Variants in UNC13C observed in about 807,000 individuals in gnomAD.
UNC13C encodes protein unc-13 homolog C.
UNC13C carries 174 observed loss-of-function variants against 245.4 expected under a neutral mutation model. That is an observed-to-expected ratio of 0.71 (90% CI 0.63 to 0.80). UNC13C has a LOEUF of 0.80. UNC13C is among the 30% of genes least tolerant of loss of function. UNC13C has a pLI of 0.00. For missense variants in UNC13C, 2,829 were observed against 2,602.9 expected (o/e 1.09, Z -1.89); for synonymous variants, 992 against 895.1 (o/e 1.11, Z -1.93).
the UNC13C span, among the ~76,000 whole-genome samples, chr15:53,971,030 G>T: frequency 2.0e-5 from 3 of 152,024 alleles, no homozygotes; most frequent in African/African-American, 7.2e-5. Context: ...TTTTCTCTTT[G>T]TGTGTGTTTT....
chr15:53,945,952 AGATCT>A, the UNC13C span, among the ~76,000 whole-genome samples: 1 of 152,018 alleles, frequency 6.6e-6, no homozygotes, highest in Non-Finnish European at 1.5e-5. Flanking sequence ...CTCATTGTAG[AGATCT>A]TTCACCTCCC....
the UNC13C span, among the ~76,000 whole-genome samples, chr15:53,945,545 G>C: frequency 1.3e-5 from 2 of 152,142 alleles, no homozygotes; most frequent in African/African-American, 2.4e-5. Context: ...TAAAAAATCA[G>C]ATTGTTGTAG....
the UNC13C span, among the ~76,000 whole-genome samples, chr15:53,939,814 A>T: frequency 3.9e-4 from 16 of 41,296 alleles, no homozygotes; most frequent in Non-Finnish European, 1.0e-3. Flanking sequence ...AGAAAGGACG[A>T]GAGAGAGAGA....
At chr15:54,138,953 A>ATTTTTTTTTTTATTTTTTTT (rs2031873211) in intron 2 of UNC13C, among the ~76,000 whole-genome samples, 1 of 48,632 alleles carries the variant, frequency 2.1e-5, no homozygotes, top group East Asian at 7.8e-4. Flanking sequence ...ATTTCCCCTA[A>ATTTTTTTTTTTATTTTTTTT]TTTTTTTTTT....
chr15:54,351,718 C>T (rs989411072), intron 17 of UNC13C, among the ~76,000 whole-genome samples: 5 of 152,084 alleles, frequency 3.3e-5, no homozygotes, highest in South Asian at 2.1e-4. Context: ...TCCAACCTAA[C>T]GCTTCACATA....
chr15:54,032,886 G>C (rs1165063083), intron 2 of UNC13C, among the ~76,000 whole-genome samples: 3 of 152,136 alleles, frequency 2.0e-5, no homozygotes, highest in Non-Finnish European at 4.4e-5. Flanking sequence ...ACTCAGGAAT[G>C]GAAAACCAAA....
In UNC13C at chr15:54,014,177, A is replaced by G. The variant is rs1322051833; in HGVS notation, c.1274A>G (p.Gln425Arg). The G allele has an allele frequency of 6.2e-7, 1 of 1,613,946 alleles. No individual in the cohort carries two copies. The highest frequency in any genetic ancestry group is 1.7e-5 in the Admixed American group (1 of 59,998). ...ERKEKGIPSS[Q>R]TYESMAIKLS... The stretch of plus-strand genomic sequence containing the variant: ...AAAGAGAAAGGGATACCATCCTCCC[A>G]GACATATGAGAGCATGGCTATAAAG... Residue 425 changes from glutamine to arginine, a missense_variant, in exon 2 of 33, where the codon CAG becomes CGG. Physicochemically the swap from Gln to Arg is conservative, Grantham distance 43. Coordinates refer to ENST00000260323, the MANE Select transcript of UNC13C (RefSeq NM_001080534.3).
intron 25 of UNC13C, among the ~76,000 whole-genome samples, chr15:54,528,006 A>AGGT (rs1396092709): frequency 2.0e-5 from 3 of 151,994 alleles, no homozygotes; most frequent in Non-Finnish European, 4.4e-5. Context: ...TTAAGGTCTA[A>AGGT]ATTGGCAGTG....
At chr15:54,392,897 A>G (rs933623373) in intron 17 of UNC13C, 151 bp from the exon 18 acceptor site, 1 of 837,010 alleles carries the variant, frequency 1.2e-6, no homozygotes, top group African/African-American at 1.8e-5. Context: ...TTCAATGAAG[A>G]AAAGAAACCT....
chr15:54,132,289 C>G lies in UNC13C; in HGVS notation c.2984-10729C>G, dbSNP rs550333880. On this transcript the variant is annotated intron_variant, in intron 2 of 32. Transcript: ENST00000260323. ...GTTTCACCATGTTAGCCAGGATGGT[C>G]TCGATCTCCTGACCTCGTGATCTGC... Among the ~76,000 whole-genome samples, 16 of 152,156 alleles carry G rather than the reference C, an allele frequency of 1.1e-4. No homozygotes were observed. The East Asian group carries it at 2.9e-3, about 28-fold the overall frequency.
intron 2 of UNC13C, among the ~76,000 whole-genome samples, chr15:54,102,713 A>G (rs1900226057): frequency 6.6e-6 from 1 of 152,196 alleles, no homozygotes; most frequent in African/African-American, 2.4e-5. Context: ...TCTAGTGTTG[A>G]TGAAATGCTG....
At chr15:54,157,763 T>C (rs1397597400) in intron 4 of UNC13C, among the ~76,000 whole-genome samples, 7 of 152,198 alleles carry the variant, frequency 4.6e-5, no homozygotes, top group South Asian at 2.1e-4. Context: ...TATAGACCAA[T>C]GGAACAGAAC....
intron 4 of UNC13C, among the ~76,000 whole-genome samples, chr15:54,144,755 A>G (rs529619984): frequency 2.0e-5 from 3 of 152,230 alleles, no homozygotes; most frequent in East Asian, 1.9e-4. Context: ...TTATTCTTCT[A>G]TTGGTGGGTT....
chr15:54,420,628 G>T (rs1260517907), intron 19 of UNC13C, among the ~76,000 whole-genome samples: 1 of 151,674 alleles, frequency 6.6e-6, no homozygotes, highest in Non-Finnish European at 1.5e-5. Flanking sequence ...TCTTATTTTA[G>T]GTCAGGTTTT....
intron 1 of UNC13C, among the ~76,000 whole-genome samples, chr15:53,998,463 A>G (rs1894735259): frequency 6.6e-6 from 1 of 151,968 alleles, no homozygotes; most frequent in Non-Finnish European, 1.5e-5. Flanking sequence ...ATCTATACTG[A>G]GCTTATGTTC....
At chr15:53,856,120 G>A in the UNC13C span, among the ~76,000 whole-genome samples, 1 of 152,014 alleles carries the variant, frequency 6.6e-6, no homozygotes, top group Non-Finnish European at 1.5e-5. Flanking sequence ...GTATTTCTGT[G>A]GGGTCAGTGG....
At chr15:53,998,507 T>C (rs1318924271) in intron 1 of UNC13C, among the ~76,000 whole-genome samples, 1 of 152,176 alleles carries the variant, frequency 6.6e-6, no homozygotes, top group Non-Finnish European at 1.5e-5. Flanking sequence ...TCAGCTTTTA[T>C]ACTTATTTTG....
chr15:54,546,235 C>T (rs566510758), intron 26 of UNC13C, among the ~76,000 whole-genome samples: 54 of 152,170 alleles, frequency 3.5e-4, no homozygotes, highest in African/African-American at 1.2e-3. Context: ...AATGAAACAC[C>T]GCATGTTCTC....
At chr15:54,268,117 G>A (rs116611074) in intron 10 of UNC13C, among the ~76,000 whole-genome samples, 1 of 151,070 alleles carries the variant, frequency 6.6e-6, no homozygotes, top group Non-Finnish European at 1.5e-5. Flanking sequence ...CTCCACTTGC[G>A]CCCCACCCCC....
Sources: allele counts gnomAD v4.1 joint callset (sites outside exome capture counted in the v4.1 genomes callset), GRCh38; gene constraint gnomAD v4.1.1; transcripts MANE v1.5; gene names NCBI Gene and HGNC (gene_info 2026-07-23, HGNC 2026-07-21).